Variants in CACNG3 observed in about 807,000 individuals in gnomAD.
The protein encoded by CACNG3 is voltage-dependent calcium channel gamma-3 subunit.
In CACNG3, 3 loss-of-function variants were observed where a neutral mutation model predicts 28.5. That is an observed-to-expected ratio of 0.11 (90% CI 0.05 to 0.27). The LOEUF is 0.27. Among genes scored for constraint, CACNG3 ranks in the 10% least tolerant of loss-of-function variants. CACNG3 has a pLI of 1.00. For missense variants in CACNG3, 236 were observed against 414.4 expected, an observed-to-expected ratio of 0.57 and a Z score of 3.74; for synonymous variants, 174 against 162.2, an observed-to-expected ratio of 1.07 and a Z score of -0.55.
chr16:24,330,605 C>T (rs2141373436), intron 1 of CACNG3, among the ~76,000 whole-genome samples: 1 of 152,226 alleles, frequency 6.6e-6, no homozygotes, highest in Non-Finnish European at 1.5e-5. Flanking sequence ...AGGTAGGTGC[C>T]CAGGAATGCA....
At chr16:24,275,607 A>G (rs749935189) in intron 1 of CACNG3, among the ~76,000 whole-genome samples, 4 of 152,236 alleles carry the variant, frequency 2.6e-5, no homozygotes, top group Non-Finnish European at 5.9e-5. Context: ...ATGGTTATTC[A>G]GGCTTGGGTA....
intron 1 of CACNG3, among the ~76,000 whole-genome samples, chr16:24,307,986 C>G (rs1899208887): frequency 6.6e-6 from 1 of 152,022 alleles, no homozygotes; most frequent in Non-Finnish European, 1.5e-5. Context: ...CTTTTTTGGT[C>G]CAATGGTGCA....
chr16:24,337,132 T>C (rs1899723151), intron 1 of CACNG3, among the ~76,000 whole-genome samples: 1 of 152,252 alleles, frequency 6.6e-6, no homozygotes, highest in Admixed American at 6.5e-5. Flanking sequence ...GATTTCAAGA[T>C]AGGAATCTTG....
intron 1 of CACNG3, among the ~76,000 whole-genome samples, chr16:24,280,961 T>C (rs2141351097): frequency 6.6e-6 from 1 of 151,710 alleles, no homozygotes; most frequent in African/African-American, 2.4e-5. Context: ...AAAACTAAAT[T>C]CTAATTGACT....
chr16:24,317,552 GAAAA>G (rs1173044165), intron 1 of CACNG3, among the ~76,000 whole-genome samples: 5 of 63,224 alleles, frequency 7.9e-5, no homozygotes, highest in Non-Finnish European at 1.0e-4. Flanking sequence ...AAAAAAAAAA[GAAAA>G]AGAAAGAAAG....
At chr16:24,261,936 G>A (rs1195090500) in intron 1 of CACNG3, among the ~76,000 whole-genome samples, 1 of 152,184 alleles carries the variant, frequency 6.6e-6, no homozygotes, top group Non-Finnish European at 1.5e-5. Flanking sequence ...TGTGGTTGAG[G>A]ATGGAGGTGA....
intron 1 of CACNG3, among the ~76,000 whole-genome samples, chr16:24,310,150 A>G (rs1899240917): frequency 6.6e-6 from 1 of 152,066 alleles, no homozygotes. Context: ...CCGAAGAGAG[A>G]CTATGCTTTG....
intron 1 of CACNG3, among the ~76,000 whole-genome samples, chr16:24,265,094 T>C (rs1223473848): frequency 1.3e-5 from 2 of 151,976 alleles, no homozygotes; most frequent in Non-Finnish European, 2.9e-5. Flanking sequence ...ACAAAAAAGT[T>C]AGCCAGGTGT....
At chr16:24,280,436 G>A (rs774338132) in intron 1 of CACNG3, among the ~76,000 whole-genome samples, 2 of 152,220 alleles carry the variant, frequency 1.3e-5, no homozygotes, top group South Asian at 2.1e-4. Flanking sequence ...CCCATCATTC[G>A]GATGAAGGAT....
intron 1 of CACNG3, among the ~76,000 whole-genome samples, chr16:24,269,058 C>T (rs1209263674): frequency 2.6e-5 from 4 of 152,126 alleles, no homozygotes; most frequent in African/African-American, 4.8e-5. Flanking sequence ...TCTTACTGGC[C>T]TTGGGTTTGA....
At chr16:24,293,641 T>C (rs1425193028) in intron 1 of CACNG3, among the ~76,000 whole-genome samples, 2 of 152,116 alleles carry the variant, frequency 1.3e-5, no homozygotes, top group African/African-American at 4.8e-5. Flanking sequence ...ACTTGCACAC[T>C]TCAAAACCTA....
intron 1 of CACNG3, among the ~76,000 whole-genome samples, chr16:24,343,742 C>T (rs1251046702): frequency 1.3e-5 from 2 of 152,164 alleles, no homozygotes; most frequent in Non-Finnish European, 2.9e-5. Context: ...AAATCGGTGA[C>T]TTGGCTAAGC....
chr16:24,332,186 G>A (rs1049473931), intron 1 of CACNG3, among the ~76,000 whole-genome samples: 1 of 152,122 alleles, frequency 6.6e-6, no homozygotes, highest in African/African-American at 2.4e-5. Context: ...TCAGGGACCG[G>A]GTGCAATGGC....
intron 1 of CACNG3, among the ~76,000 whole-genome samples, chr16:24,279,810 A>T (rs1898799952): frequency 6.6e-6 from 1 of 152,176 alleles, no homozygotes. Context: ...TAACCTTTGG[A>T]TGGACAGTGA....
At chr16:24,286,458 T>C (rs909844007) in intron 1 of CACNG3, among the ~76,000 whole-genome samples, 10 of 151,818 alleles carry the variant, frequency 6.6e-5, no homozygotes, top group African/African-American at 2.4e-4. Context: ...TATATATATA[T>C]ATTCAAAGAT....
At chr16:24,310,122 A>C (rs1469474932) in intron 1 of CACNG3, among the ~76,000 whole-genome samples, 1 of 152,346 alleles carries the variant, frequency 6.6e-6, no homozygotes, top group East Asian at 1.9e-4. Flanking sequence ...TTGGGCCAGC[A>C]TGAGGGAGGG....
chr16:24,307,805 G>C (rs1309895589), intron 1 of CACNG3, among the ~76,000 whole-genome samples: 1 of 152,136 alleles, frequency 6.6e-6, no homozygotes, highest in Non-Finnish European at 1.5e-5. Flanking sequence ...CGTGAAACAT[G>C]GGGCCAGGGA....
chr16:24,296,185 G>A (rs1321829364), intron 1 of CACNG3, among the ~76,000 whole-genome samples: 2 of 152,130 alleles, frequency 1.3e-5, no homozygotes, highest in Non-Finnish European at 2.9e-5. Flanking sequence ...CCCGACTCCT[G>A]GTCCTTCCTC....
chr16:24,311,121 A>G (rs1899256064), intron 1 of CACNG3, among the ~76,000 whole-genome samples: 1 of 152,198 alleles, frequency 6.6e-6, no homozygotes, highest in Non-Finnish European at 1.5e-5. Flanking sequence ...ATCCAAGGCA[A>G]TTTACAAGAT....
Sources: allele counts gnomAD v4.1 joint callset (sites outside exome capture counted in the v4.1 genomes callset), GRCh38; gene constraint gnomAD v4.1.1; transcripts MANE v1.5; gene names NCBI Gene and HGNC (gene_info 2026-07-23, HGNC 2026-07-21).